The following CLYBL variants were observed in gnomAD, a reference collection of about 807,000 sequenced individuals.
CLYBL encodes citramalyl-CoA lyase, also known as citramalyl-CoA lyase, mitochondrial.
CLYBL carries 31 observed loss-of-function variants against 38.9 expected under a neutral mutation model. The observed-to-expected ratio is 0.80, with a 90% CI of 0.60 to 1.08. The LOEUF is 1.08. Ranked by LOEUF, CLYBL falls within the 50% of genes least tolerant of loss-of-function variation. CLYBL has a pLI of 0.00. For synonymous variants in CLYBL, 171 were observed against 158.6 expected (o/e 1.08, Z -0.59); for missense variants, 434 against 411.6 (o/e 1.05, Z -0.47).
intron 1 of CLYBL, among the ~76,000 whole-genome samples, chr13:99,739,158 A>G (rs2048711059): frequency 6.6e-6 from 1 of 152,226 alleles, no homozygotes; most frequent in Non-Finnish European, 1.5e-5. Context: ...ATGGTGTTTT[A>G]TAAATGGTTT....
At chr13:99,881,780 TG>T (rs2052217699) in intron 7 of CLYBL, among the ~76,000 whole-genome samples, 1 of 152,222 alleles carries the variant, frequency 6.6e-6, no homozygotes, top group African/African-American at 2.4e-5. Context: ...GATATTCAGA[TG>T]TTATACAAGG....
chr13:99,656,731 TC>T (rs1466868236), intron 1 of CLYBL, among the ~76,000 whole-genome samples: 2 of 152,208 alleles, frequency 1.3e-5, no homozygotes, highest in African/African-American at 4.8e-5. Context: ...TTTTAAAATT[TC>T]CATTCAAAAT....
intron 2 of CLYBL, among the ~76,000 whole-genome samples, chr13:99,829,941 A>G (rs539299538): frequency 5.9e-5 from 9 of 152,286 alleles, no homozygotes; most frequent in African/African-American, 1.4e-4. Context: ...ACGGGGTGGC[A>G]CCAAGGGGGC....
chr13:99,710,387 G>A (rs375256433), intron 1 of CLYBL, among the ~76,000 whole-genome samples: 2 of 152,252 alleles, frequency 1.3e-5, no homozygotes, highest in African/African-American at 2.4e-5. Context: ...CTCAGGGACC[G>A]TCTGCTGTGT....
At chr13:99,707,232 G>A (rs1007040851) in intron 1 of CLYBL, among the ~76,000 whole-genome samples, 1 of 152,000 alleles carries the variant, frequency 6.6e-6, no homozygotes, top group Non-Finnish European at 1.5e-5. Context: ...TTGAATTTGA[G>A]TACTTTAAGT....
At chr13:99,674,515 G>A (rs1443690906) in intron 1 of CLYBL, among the ~76,000 whole-genome samples, 1 of 152,054 alleles carries the variant, frequency 6.6e-6, no homozygotes. Context: ...GCTGGGTCTG[G>A]AGATGTACGT....
At chr13:99,825,008 A>G (rs903151983) in intron 2 of CLYBL, among the ~76,000 whole-genome samples, 1 of 152,196 alleles carries the variant, frequency 6.6e-6, no homozygotes, top group Non-Finnish European at 1.5e-5. Flanking sequence ...TCTGCACCCA[A>G]GAAAGACACA....
intron 2 of CLYBL, among the ~76,000 whole-genome samples, chr13:99,775,553 G>A (rs1264058890): frequency 1.3e-5 from 2 of 152,106 alleles, no homozygotes; most frequent in Non-Finnish European, 2.9e-5. Flanking sequence ...GTGTTGCCCA[G>A]GCTGGGGTGC....
intron 4 of CLYBL, among the ~76,000 whole-genome samples, chr13:99,864,029 C>T (rs1436825152): frequency 6.6e-6 from 1 of 152,168 alleles, no homozygotes; most frequent in Non-Finnish European, 1.5e-5. Flanking sequence ...TACATTCTTC[C>T]AGCCAGCCCC....
chr13:99,716,125 T>TA lies in CLYBL; in HGVS notation c.63-56696dup, dbSNP rs369701398. Among the ~76,000 whole-genome samples, 280 of 148,744 alleles carry TA rather than the reference T, an allele frequency of 1.9e-3. 1 individual carries two copies. The highest frequency in any genetic ancestry group is 6.6e-3 in the African/African-American group (267 of 40,622). On this transcript the variant is annotated intron_variant, in intron 1 of 8. Transcript: ENST00000339105. ...CATCTGTTAATGAAGTGAACAATAATAAAGTGTTTTGTAATGTTAAATTGT... is the reference window on the plus strand; with the variant it reads ...CATCTGTTAATGAAGTGAACAATAATAAAAGTGTTTTGTAATGTTAAATTGT...
chr13:99,705,822 G>C (rs2139474084), intron 1 of CLYBL, among the ~76,000 whole-genome samples: 1 of 152,088 alleles, frequency 6.6e-6, no homozygotes. Flanking sequence ...AAGTTCTAGA[G>C]ATACATAGTG....
intron 2 of CLYBL, among the ~76,000 whole-genome samples, chr13:99,785,105 C>G (rs772096521): frequency 2.0e-5 from 3 of 149,104 alleles, no homozygotes; most frequent in Non-Finnish European, 4.4e-5. Flanking sequence ...GTTGGCCAGG[C>G]TCATCTCAAA....
At chr13:99,808,883 C>T (rs2050284348) in intron 2 of CLYBL, among the ~76,000 whole-genome samples, 1 of 152,210 alleles carries the variant, frequency 6.6e-6, no homozygotes. Context: ...CCTGGTCCTT[C>T]CTATTCTAAA....
intron 1 of CLYBL, among the ~76,000 whole-genome samples, chr13:99,689,733 A>T (rs1444634985): frequency 1.3e-5 from 2 of 152,240 alleles, no homozygotes; most frequent in African/African-American, 4.8e-5. Flanking sequence ...TATCCATCAC[A>T]GAACAAGCTC....
rs58550861 is a variant in CLYBL at position 99,785,191 on chromosome 13, CTTTTTTTTTTTTTTTTTTT to C, written c.249+12197_249+12215del. On this transcript the variant is annotated intron_variant, in intron 2 of 8. Coordinates refer to ENST00000339105, the MANE Select transcript of CLYBL (RefSeq NM_206808.5). ...TACAGACTTGAGCCACCCCGCCTGGCTTTTTTTTTTTTTTTTTTTTTTTTTTTTTTTTTTAAAGACAGGG... is the reference window on the plus strand; with the variant it reads ...TACAGACTTGAGCCACCCCGCCTGGCTTTTTTTTTTTTTTTAAAGACAGGG... Among the ~76,000 whole-genome samples, 8 of 34,208 alleles carry C rather than the reference CTTTTTTTTTTTTTTTTTTT, an allele frequency of 2.3e-4. No homozygotes were observed. The East Asian group carries it at 4.0e-3, about 17-fold the overall frequency. 22.4% of individuals were successfully genotyped at this position (34,208 alleles called of 152,430 possible).
rs139360292 is a variant in CLYBL, at chr13:99,758,198, G to A, written c.63-14626G>A. 2.4e-4 allele frequency among the ~76,000 whole-genome samples: 37 copies of A among 152,302 alleles called. No individual in the cohort carries two copies. The East Asian group carries it at 4.6e-3, about 19-fold the overall frequency. ...CCAGGTGACTATTATATTGAATCCCGGGTTGGGAACCCCGTCATGCTACGG... is the reference window on the plus strand; with the variant it reads ...CCAGGTGACTATTATATTGAATCCCAGGTTGGGAACCCCGTCATGCTACGG... On this transcript the variant is annotated intron_variant, in intron 1 of 8. Transcript: ENST00000339105.
At position 99,851,638 on chromosome 13, in the gene CLYBL, T is replaced by G. The variant is rs2051335208; in HGVS notation, c.250-7223T>G. ...ATCAAAACTACAATGAGAGACCACT[T>G]GGTGATACCCACGAGGATGACTAGA... On this transcript the variant is annotated intron_variant, in intron 2 of 8. Coordinates refer to ENST00000339105, the MANE Select transcript of CLYBL (RefSeq NM_206808.5). Among the ~76,000 whole-genome samples, 3 of 152,128 alleles carry G rather than the reference T, an allele frequency of 2.0e-5. No individual in the cohort carries two copies. The South Asian group carries it at 6.2e-4, about 32-fold the overall frequency.
At chr13:99,779,327 GAAA>G (rs1369508279) in intron 2 of CLYBL, among the ~76,000 whole-genome samples, 1 of 151,916 alleles carries the variant, frequency 6.6e-6, no homozygotes, top group Non-Finnish European at 1.5e-5. Context: ...ATTTTTAGTA[GAAA>G]TGGGGTTTCA....
At chr13:99,728,912 C>T (rs757354941) in intron 1 of CLYBL, among the ~76,000 whole-genome samples, 3 of 152,170 alleles carry the variant, frequency 2.0e-5, no homozygotes, top group African/African-American at 4.8e-5. Context: ...CTGGGTCCTT[C>T]CTTAATACCT....
Sources: gnomAD v4.1 joint callset for allele counts (sites outside exome capture counted in the v4.1 genomes callset) on GRCh38, gnomAD v4.1.1 for gene constraint, MANE v1.5 for transcripts, NCBI Gene and HGNC (gene_info 2026-07-23, HGNC 2026-07-21) for gene names.